Variants in TOX2 observed in about 807,000 individuals in gnomAD.
The protein encoded by TOX2 is TOX high mobility group box family member 2.
TOX2 carries 15 observed loss-of-function variants against 47.4 expected under a neutral mutation model. That is an observed-to-expected ratio of 0.32 (90% CI 0.21 to 0.49). The LOEUF is 0.49. TOX2 is among the 20% of genes least tolerant of loss of function. The probability of loss-of-function intolerance (pLI) is 0.99; values close to 1 mark genes in which losing one functional copy is unlikely to be tolerated. For missense variants in TOX2, 622 were observed against 673.1 expected (o/e 0.92, Z 0.84); for synonymous variants, 290 against 296.6 (o/e 0.98, Z 0.23).
chr20:43,982,671 G>A (rs1026622526), intron 2 of TOX2, among the ~76,000 whole-genome samples: 3 of 151,852 alleles, frequency 2.0e-5, no homozygotes, highest in African/African-American at 7.3e-5. Flanking sequence ...CAGCATGGTG[G>A]CTGAGCTGAA....
chr20:44,018,822 C>A (rs1340314914), intron 3 of TOX2, among the ~76,000 whole-genome samples: 1 of 152,196 alleles, frequency 6.6e-6, no homozygotes, highest in Non-Finnish European at 1.5e-5. Flanking sequence ...AGCTCAGCAG[C>A]TGTGTTGGGC....
intron 1 of TOX2, among the ~76,000 whole-genome samples, chr20:43,940,218 A>G (rs1190107430): frequency 6.6e-6 from 1 of 150,418 alleles, no homozygotes; most frequent in Non-Finnish European, 1.5e-5. Context: ...GTGGGACGTC[A>G]CTTTTTTTTT....
intron 4 of TOX2, among the ~76,000 whole-genome samples, chr20:44,052,653 C>T (rs757063951): frequency 2.6e-5 from 4 of 152,196 alleles, no homozygotes; most frequent in Admixed American, 6.5e-5. Flanking sequence ...AACAAGTATA[C>T]GTCCATGTAA....
intron 1 of TOX2, chr20:43,946,095 G>C (rs2069466655): frequency 6.2e-7 from 1 of 1,601,624 alleles, no homozygotes; most frequent in African/African-American, 1.3e-5. Context: ...CGTCACTGTG[G>C]GCTGAAGATA....
At chr20:43,930,316 AAC>A (rs2145316551) in intron 1 of TOX2, among the ~76,000 whole-genome samples, 1 of 152,290 alleles carries the variant, frequency 6.6e-6, no homozygotes, top group Non-Finnish European at 1.5e-5. Context: ...AGGAGGATTA[AAC>A]ACATATATGT....
In TOX2 at chr20:44,006,979, C is replaced by T. The variant is rs112752691; in HGVS notation, c.411+187C>T. Among the ~76,000 whole-genome samples, 852 of 152,160 alleles carry T rather than the reference C, an allele frequency of 5.6e-3. 6 individuals carry two copies. Among genetic ancestry groups the T allele is most frequent in the African/African-American group, 0.02 (818 of 41,520 alleles). The stretch of plus-strand genomic sequence containing the variant: ...TGGTAGCATGGGAGTCTGTGGGACA[C>T]GGTGGGTGGGCATGGAGAGAAATCT... On this transcript the variant is annotated intron_variant, in intron 3 of 8. Transcript: ENST00000341197.
intron 2 of TOX2, among the ~76,000 whole-genome samples, chr20:43,978,487 A>ATTATTT (rs2145494680): frequency 6.6e-6 from 1 of 152,070 alleles, no homozygotes; most frequent in African/African-American, 2.4e-5. Flanking sequence ...ATGACTTATT[A>ATTATTT]TTTTTTACCA....
chr20:43,979,850 G>C (rs1244979895), intron 2 of TOX2, among the ~76,000 whole-genome samples: 1 of 152,166 alleles, frequency 6.6e-6, no homozygotes, highest in Admixed American at 6.5e-5. Flanking sequence ...CAGTTAAAAT[G>C]GCTTATATTC....
intron 2 of TOX2, among the ~76,000 whole-genome samples, chr20:43,986,339 T>A (rs1267151042): frequency 6.6e-6 from 1 of 152,094 alleles, no homozygotes; most frequent in African/African-American, 2.4e-5. Flanking sequence ...TGGAGTACAG[T>A]GGTGTGATCT....
chr20:43,939,146 C>G (rs1032857993), intron 1 of TOX2, among the ~76,000 whole-genome samples: 1 of 152,182 alleles, frequency 6.6e-6, no homozygotes, highest in African/African-American at 2.4e-5. Context: ...GACTCAGGGA[C>G]AGCATAGCAT....
chr20:44,013,347 C>G (rs550267674), intron 3 of TOX2, among the ~76,000 whole-genome samples: 9 of 152,308 alleles, frequency 5.9e-5, no homozygotes, highest in African/African-American at 2.2e-4. Context: ...CTCTTCCCTA[C>G]CACTTTCCTC....
At chr20:44,011,456 C>A (rs956699152) in intron 3 of TOX2, among the ~76,000 whole-genome samples, 4 of 141,078 alleles carry the variant, frequency 2.8e-5, no homozygotes, top group Admixed American at 2.8e-4. Flanking sequence ...CCGGAAGAGG[C>A]CCCTTAGATG....
At chr20:43,988,723 C>T (rs2070315505) in intron 2 of TOX2, among the ~76,000 whole-genome samples, 1 of 152,186 alleles carries the variant, frequency 6.6e-6, no homozygotes, top group Non-Finnish European at 1.5e-5. Flanking sequence ...TCTCACAAGC[C>T]TACTGGTACA....
At chr20:44,022,960 C>G (rs547650673) in intron 3 of TOX2, among the ~76,000 whole-genome samples, 2 of 146,584 alleles carry the variant, frequency 1.4e-5, no homozygotes, top group Admixed American at 1.4e-4. Flanking sequence ...AGGCACCAGA[C>G]GGGATTAGAT....
chr20:44,040,077 AG>A, intron 3 of TOX2, among the ~76,000 whole-genome samples: 1 of 152,274 alleles, frequency 6.6e-6, no homozygotes. Context: ...GAGCTGGTAG[AG>A]TGTTCTAGAA....
intron 3 of TOX2, among the ~76,000 whole-genome samples, chr20:44,030,099 G>A (rs1055573852): frequency 6.6e-6 from 1 of 152,054 alleles, no homozygotes; most frequent in African/African-American, 2.4e-5. Context: ...ACCAGACCAT[G>A]CAATCGGCCC....
Position 43,972,546 on chromosome 20 carries a change from AT to A in TOX2, c.100-819del, listed in dbSNP as rs2069993687. ...CTAACTGGAATTAAGTCCTCTCCAT[AT>A]TAATGTGTTGAGTCAAGTGCTCTAC... On this transcript the variant is annotated intron_variant, in intron 1 of 8. Transcript: ENST00000341197. 9.2e-5 allele frequency among the ~76,000 whole-genome samples: 14 copies of A among 152,238 alleles called. 1 individual carries two copies. Among genetic ancestry groups the A allele is most frequent in the Admixed American group, 9.2e-4 (14 of 15,286 alleles).
intron 3 of TOX2, among the ~76,000 whole-genome samples, chr20:44,017,888 A>G (rs1359368219): frequency 6.6e-6 from 1 of 152,212 alleles, no homozygotes; most frequent in South Asian, 2.1e-4. Flanking sequence ...TATCTAGCCC[A>G]TGTAGCCTTC....
intron 2 of TOX2, among the ~76,000 whole-genome samples, chr20:43,981,206 A>G (rs2070163425): frequency 6.6e-6 from 1 of 152,228 alleles, no homozygotes; most frequent in Non-Finnish European, 1.5e-5. Flanking sequence ...GGTACTTTAT[A>G]CATTTCTGTG....
Sources: gnomAD v4.1 joint callset for allele counts (sites outside exome capture counted in the v4.1 genomes callset) on GRCh38, gnomAD v4.1.1 for gene constraint, MANE v1.5 for transcripts, NCBI Gene and HGNC (gene_info 2026-07-23, HGNC 2026-07-21) for gene names.